CD163L1: variants seen among roughly 807,000 people sequenced by gnomAD.
CD163L1 encodes the protein CD163 molecule like 1, also known as scavenger receptor cysteine-rich type 1 protein M160.
Under a neutral mutation model 165.4 loss-of-function variants are expected in CD163L1, and 124 were observed. That is an observed-to-expected ratio of 0.75 (90% CI 0.65 to 0.87). The LOEUF (loss-of-function observed/expected upper bound fraction) is 0.87, where lower values mean the gene tolerates loss of function less well. CD163L1 is among the 40% of genes least tolerant of loss of function. The pLI is 0.00. For synonymous variants in CD163L1, 585 were observed against 662.2 expected (o/e 0.88, Z 1.79); for missense variants, 1,525 against 1,799.9 (o/e 0.85, Z 2.76).
chr12:7,359,283 C>CA, intron 18 of CD163L1, among the ~76,000 whole-genome samples: 1 of 151,634 alleles, frequency 6.6e-6, no homozygotes, highest in Non-Finnish European at 1.5e-5. Context: ...AAAAACAAAA[C>CA]AAACAAACAA....
chr12:7,431,839 G>A (rs749997597), intron 4 of CD163L1, among the ~76,000 whole-genome samples: 6 of 152,170 alleles, frequency 3.9e-5, no homozygotes, highest in Non-Finnish European at 7.3e-5. Flanking sequence ...ATTAGATGAT[G>A]AGTAAACAGG....
intron 4 of CD163L1, among the ~76,000 whole-genome samples, chr12:7,407,662 CAT>C (rs201729968): frequency 1.5e-3 from 223 of 150,930 alleles, no homozygotes; most frequent in African/African-American, 5.2e-3. Flanking sequence ...CACACACACA[CAT>C]ATATATATAC....
chr12:7,423,586 A>G lies in CD163L1; in HGVS notation c.766+8830T>C, dbSNP rs776740730. ...ACAATATAGATAAACCACTAGCCAG[A>G]CTAATAAGAAAGAAAAGAGAGAAGA... On this transcript the variant is annotated intron_variant, in intron 4 of 19. Transcript: ENST00000313599. Among the ~76,000 whole-genome samples the G allele has an allele frequency of 5.3e-5, 8 of 152,262 alleles. No individual in the cohort carries two copies. In the South Asian group the frequency reaches 1.2e-3, roughly 24 times the overall value.
intron 4 of CD163L1, among the ~76,000 whole-genome samples, chr12:7,416,803 C>A (rs1170069566): frequency 6.6e-6 from 1 of 152,146 alleles, no homozygotes; most frequent in Non-Finnish European, 1.5e-5. Flanking sequence ...GAGTACCATG[C>A]TGTTTCAGTT....
Position 7,437,238 on chromosome 12 carries a change from T to TTTTAAATAGTA in CD163L1, c.125-3555_125-3545dup. Among the ~76,000 whole-genome samples the TTTTAAATAGTA allele has an allele frequency of 5.9e-4, 50 of 84,300 alleles. 4 individuals carry two copies. Among genetic ancestry groups the TTTTAAATAGTA allele is most frequent in the South Asian group, 5.3e-3 (14 of 2,624 alleles). The allele number at this position is 84,300 out of a possible 152,430, so 55.3% of individuals were successfully genotyped here. On this transcript the variant is annotated intron_variant, in intron 2 of 19. Coordinates refer to ENST00000313599, the MANE Select transcript of CD163L1 (RefSeq NM_174941.6). Reference sequence around the variant, plus strand: ...TTTAATAGTATTTAAAAGTATTTACTTTTAAATAGTATTTAAATAGTATTT... The same window carrying TTTTAAATAGTA: ...TTTAATAGTATTTAAAAGTATTTACTTTTAAATAGTATTTAAATAGTATTTAAATAGTATTT...
At chr12:7,366,942 G>A (rs963790131) in intron 18 of CD163L1, among the ~76,000 whole-genome samples, 2 of 152,082 alleles carry the variant, frequency 1.3e-5, no homozygotes, top group African/African-American at 2.4e-5. Context: ...CTGTGGACCA[G>A]GTATTTGACT....
At chr12:7,367,154 G>C (rs370178528) in intron 18 of CD163L1, 82 bp downstream of exon 18, 11 of 727,694 alleles carry the variant, frequency 1.5e-5, no homozygotes, top group East Asian at 2.6e-5. Flanking sequence ...CATCTCCATC[G>C]AGTGGGAGTT....
chr12:7,322,558 T>C, the CD163L1 span: 6 of 1,607,528 alleles, frequency 3.7e-6, no homozygotes, highest in Non-Finnish European at 5.1e-6. Context: ...CTAAAGGGCA[T>C]TTATGTTTAG....
chr12:7,371,616 G>C (rs959771994), intron 14 of CD163L1, among the ~76,000 whole-genome samples: 5 of 151,782 alleles, frequency 3.3e-5, no homozygotes, highest in Non-Finnish European at 7.4e-5. Context: ...TGATCAAATA[G>C]GAAAATAGAT....
chr12:7,408,465 T>C (rs1048946802), intron 4 of CD163L1, among the ~76,000 whole-genome samples: 1 of 152,150 alleles, frequency 6.6e-6, no homozygotes, highest in African/African-American at 2.4e-5. Context: ...ATTTCCACTT[T>C]TGTATTTTTA....
chr12:7,324,216 C>T, the CD163L1 span: 4 of 1,592,288 alleles, frequency 2.5e-6, 1 homozygote, highest in South Asian at 2.3e-5. Context: ...TTAATGAGTG[C>T]CATACCCATC....
At chr12:7,325,366 G>A in the CD163L1 span, among the ~76,000 whole-genome samples, 1 of 152,248 alleles carries the variant, frequency 6.6e-6, no homozygotes, top group Non-Finnish European at 1.5e-5. Context: ...AAAATGGTGG[G>A]CTGGGCACGG....
At chr12:7,396,881 C>T (rs1322634849) in intron 7 of CD163L1, among the ~76,000 whole-genome samples, 1 of 147,814 alleles carries the variant, frequency 6.8e-6, no homozygotes, top group East Asian at 2.0e-4. Flanking sequence ...AGAAGAGAGG[C>T]TCACGTTCTA....
intron 8 of CD163L1, among the ~76,000 whole-genome samples, chr12:7,381,134 C>G (rs190054059): frequency 3.9e-5 from 6 of 152,182 alleles, no homozygotes; most frequent in Admixed American, 3.3e-4. Flanking sequence ...TGATATCATA[C>G]TATTTTTCTA....
intron 8 of CD163L1, among the ~76,000 whole-genome samples, chr12:7,394,058 T>C (rs759668911): frequency 2.0e-5 from 3 of 150,422 alleles, no homozygotes; most frequent in Non-Finnish European, 3.0e-5. Context: ...TTCACCGAAT[T>C]GGAAAAAACT....
chr12:7,377,822 A>T (rs1345658312), intron 9 of CD163L1, among the ~76,000 whole-genome samples: 1 of 152,138 alleles, frequency 6.6e-6, no homozygotes, highest in Non-Finnish European at 1.5e-5. Context: ...ACTATTAAAT[A>T]CTATTGTTCC....
chr12:7,342,321 C>T (rs1946642599), downstream of CD163L1, among the ~76,000 whole-genome samples: 1 of 152,206 alleles, frequency 6.6e-6, no homozygotes, highest in Non-Finnish European at 1.5e-5. Context: ...AACATCTGTG[C>T]CTTAAGGACA....
the CD163L1 span, among the ~76,000 whole-genome samples, chr12:7,321,628 G>T: frequency 6.6e-6 from 1 of 152,220 alleles, no homozygotes; most frequent in African/African-American, 2.4e-5. Context: ...GAATACACAT[G>T]ATTTGTATTC....
intron 2 of CD163L1, chr12:7,438,873 ACT>A (rs1392813285): frequency 1.3e-5 from 21 of 1,582,436 alleles, no homozygotes; most frequent in Middle Eastern, 1.7e-4. Context: ...AGCTTCTCTA[ACT>A]CTGCAGCACT....
Sources: allele counts gnomAD v4.1 joint callset (sites outside exome capture counted in the v4.1 genomes callset), GRCh38; gene constraint gnomAD v4.1.1; transcripts MANE v1.5; gene names NCBI Gene and HGNC (gene_info 2026-07-23, HGNC 2026-07-21).